Variants in MOCOS observed in about 807,000 individuals in gnomAD.
MOCOS encodes molybdenum cofactor sulfurase, also known as human molybdenum cofactor sulfurase.
Under a neutral mutation model 83.6 loss-of-function variants are expected in MOCOS, and 86 were observed. The observed-to-expected ratio is 1.03, with a 90% CI of 0.86 to 1.23. The LOEUF (loss-of-function observed/expected upper bound fraction) is 1.23, where lower values mean the gene tolerates loss of function less well. Among genes scored for constraint, MOCOS ranks in the 50% most tolerant of loss-of-function variants. MOCOS has a pLI of 0.00. For synonymous variants in MOCOS, 445 were observed against 434.7 expected (o/e 1.02, Z -0.29); for missense variants, 1,120 against 1,126.9 (o/e 0.99, Z 0.09).
intron 13 of MOCOS, among the ~76,000 whole-genome samples, chr18:36,261,864 A>G (rs747470485): frequency 1.1e-4 from 16 of 152,164 alleles, no homozygotes; most frequent in Non-Finnish European, 1.9e-4. Context: ...TGGGAACAAA[A>G]TAGACACTAA....
chr18:36,204,011 T>G (rs898583351), intron 5 of MOCOS, among the ~76,000 whole-genome samples: 2 of 152,220 alleles, frequency 1.3e-5, no homozygotes, highest in African/African-American at 2.4e-5. Flanking sequence ...GTCCACAATA[T>G]GGCAAACCCT....
chr18:36,266,865 T>C lies in MOCOS; in HGVS notation c.2514+12T>C. 6.3e-7 allele frequency: 1 copy of C among 1,599,040 alleles called. No homozygotes were observed. Among genetic ancestry groups the C allele is most frequent in the Middle Eastern group, 1.7e-4 (1 of 6,044 alleles). ...GTCGTGAAACAAAGGTAAGCGTGAT[T>C]GCAAAATATGACACCTGGTTTCCAA... is the stretch of plus-strand genomic sequence containing the variant. On this transcript the variant is annotated intron_variant, in intron 14 of 14. Coordinates refer to ENST00000261326, the MANE Select transcript of MOCOS (RefSeq NM_017947.4).
chr18:36,240,965 T>G (rs1048754635), intron 9 of MOCOS, among the ~76,000 whole-genome samples: 5 of 152,212 alleles, frequency 3.3e-5, no homozygotes, highest in African/African-American at 9.6e-5. Context: ...GCTTCCCGAG[T>G]GAGGCAATGC....
chr18:36,220,782 A>G (rs903025814), intron 9 of MOCOS, among the ~76,000 whole-genome samples: 5 of 151,146 alleles, frequency 3.3e-5, no homozygotes, highest in African/African-American at 1.2e-4. Context: ...GAAGCTGGGC[A>G]TGGTGGCACG....
chr18:36,233,618 T>C (rs2144934828), intron 9 of MOCOS, among the ~76,000 whole-genome samples: 1 of 152,284 alleles, frequency 6.6e-6, no homozygotes, highest in South Asian at 2.1e-4. Flanking sequence ...TCCATATTGT[T>C]TTCCATAGTG....
intron 3 of MOCOS, among the ~76,000 whole-genome samples, chr18:36,199,268 C>T (rs2091402098): frequency 6.6e-6 from 1 of 152,152 alleles, no homozygotes; most frequent in African/African-American, 2.4e-5. Context: ...ACACAATTTC[C>T]AATCACACAA....
At chr18:36,220,929 AAAAG>A (rs1382687025) in intron 9 of MOCOS, among the ~76,000 whole-genome samples, 1 of 30,244 alleles carries the variant, frequency 3.3e-5, no homozygotes, top group African/African-American at 5.5e-5. Flanking sequence ...ATGATGTCTC[AAAAG>A]AAAAAAAAAA....
At chr18:36,266,135 C>T (rs1408518084) in intron 13 of MOCOS, among the ~76,000 whole-genome samples, 1 of 152,080 alleles carries the variant, frequency 6.6e-6, no homozygotes, top group African/African-American at 2.4e-5. Context: ...AGCGCTGGCT[C>T]TGCGACCTCC....
intron 1 of MOCOS, among the ~76,000 whole-genome samples, chr18:36,189,207 G>A (rs1006981056): frequency 2.0e-5 from 3 of 152,108 alleles, no homozygotes; most frequent in Admixed American, 6.6e-5. Context: ...TTGTCCCTCA[G>A]AGAACAGTAC....
intron 13 of MOCOS, among the ~76,000 whole-genome samples, chr18:36,266,198 C>T (rs1317287748): frequency 6.6e-6 from 1 of 152,126 alleles, no homozygotes; most frequent in Admixed American, 6.5e-5. Flanking sequence ...TGCAGTGGTG[C>T]GTTCTTGGCT....
intron 6 of MOCOS, among the ~76,000 whole-genome samples, chr18:36,207,608 G>T (rs1256925819): frequency 6.6e-6 from 1 of 151,990 alleles, no homozygotes; most frequent in Non-Finnish European, 1.5e-5. Flanking sequence ...TTTGATAAGG[G>T]TCTGTTCATG....
intron 8 of MOCOS, among the ~76,000 whole-genome samples, chr18:36,216,673 T>A (rs112885061): frequency 1.3e-5 from 2 of 152,360 alleles, no homozygotes; most frequent in African/African-American, 4.8e-5. Flanking sequence ...TAGTCATCAA[T>A]AGATGCTAAA....
chr18:36,187,533 CG>C lies in MOCOS; in HGVS notation c.-3del. ...GCCCGGCCGGCCTGGATGGACTAGC[CG>C]GGGCCATGGCCGGCGCGGCGGCGGA... On this transcript the variant is annotated 5_prime_UTR_variant, in exon 1 of 15. Transcript: ENST00000261326. 1 of 1,234,588 alleles carries C rather than the reference CG, an allele frequency of 8.1e-7. No homozygotes were observed. The highest frequency in any genetic ancestry group is 4.2e-5 in the Admixed American group (1 of 23,812). The allele number at this position is 1,234,588 out of a possible 1,614,324, so 76.5% of individuals were successfully genotyped here.
In MOCOS at chr18:36,199,934, G is replaced by T; in HGVS notation, c.551G>T (p.Ser184Ile). The part of the protein sequence containing the change: ...PEDLWSAEER[S>I]ASASNPDCQL... ...GACCTGTGGTCTGCAGAGGAACGTA[G>T]TGCTTCAGCCAGCAACCCAGACTGC... Residue 184 changes from serine (S) to isoleucine (I), a missense_variant, in exon 4 of 15, where the codon AGT (serine) becomes ATT (isoleucine). Transcript: ENST00000261326. The T allele has an allele frequency of 6.2e-7, 1 of 1,614,214 alleles. No individual in the cohort carries two copies. The highest frequency in any genetic ancestry group is 1.7e-5 in the Admixed American group (1 of 60,020).
chr18:36,241,859 C>T (rs944490790), intron 9 of MOCOS, among the ~76,000 whole-genome samples: 1 of 152,242 alleles, frequency 6.6e-6, no homozygotes, highest in Non-Finnish European at 1.5e-5. Flanking sequence ...CCTTCTGAAG[C>T]AATAGCCCAA....
chr18:36,223,928 C>A (rs905387979), intron 9 of MOCOS, among the ~76,000 whole-genome samples: 1 of 152,148 alleles, frequency 6.6e-6, no homozygotes, highest in Non-Finnish European at 1.5e-5. Flanking sequence ...AACTCCTGGG[C>A]TCAAGCAATC....
At chr18:36,215,353 G>A (rs2091471718) in intron 7 of MOCOS, among the ~76,000 whole-genome samples, 163 bp from the exon 8 acceptor site, 2 of 152,176 alleles carry the variant, frequency 1.3e-5, no homozygotes, top group South Asian at 4.1e-4. Flanking sequence ...TCCCCTGCAG[G>A]TAGAGAGCTG....
intron 1 of MOCOS, among the ~76,000 whole-genome samples, chr18:36,187,959 A>G (rs1192116547): frequency 6.6e-6 from 1 of 152,160 alleles, no homozygotes; most frequent in Non-Finnish European, 1.5e-5. Flanking sequence ...GGGGCTTAGG[A>G]TGGTTCTTGC....
In MOCOS at chr18:36,220,108, G is replaced by C. The variant is rs139812623; in HGVS notation, c.1851G>C (p.Met617Ile). 4.3e-6 allele frequency: 7 copies of C among 1,613,894 alleles called. No individual in the cohort carries two copies. Among genetic ancestry groups the C allele is most frequent in the Admixed American group, 1.7e-5 (1 of 59,994 alleles). The change falls in exon 9 of 15, where the codon ATG (methionine) becomes ATC (isoleucine). Residue 617 changes from methionine to isoleucine, a missense_variant. Met to Ile is a conservative substitution (Grantham distance 10). Coordinates refer to ENST00000261326, the MANE Select transcript of MOCOS (RefSeq NM_017947.4). ...GGCTGCTATATGACCGGAGCTGGAT[G>C]GTTGTGAATCACAATGGTGTTTGCC... ...NQGLLYDRSWMVVNHNGVCLS... is the reference protein window; with the variant it reads ...NQGLLYDRSWIVVNHNGVCLS...
Sources: gnomAD v4.1 joint callset for allele counts (sites outside exome capture counted in the v4.1 genomes callset) on GRCh38, gnomAD v4.1.1 for gene constraint, MANE v1.5 for transcripts, NCBI Gene and HGNC (gene_info 2026-07-23, HGNC 2026-07-21) for gene names.